SORD: variants seen among roughly 807,000 people sequenced by gnomAD.
SORD encodes the protein sorbitol dehydrogenase.
A neutral mutation model predicts 35.6 loss-of-function variants in SORD; 18 were observed. The ratio of observed to expected loss-of-function variants is 0.51; its 90% CI spans 0.35 to 0.75. The LOEUF (loss-of-function observed/expected upper bound fraction) is 0.75, where lower values mean the gene tolerates loss of function less well. SORD is among the 30% of genes least tolerant of loss of function. The probability of loss-of-function intolerance (pLI) is 0.01; values close to 1 mark genes in which losing one functional copy is unlikely to be tolerated. For synonymous variants in SORD, 106 were observed against 152.9 expected (o/e 0.69, Z 2.26); for missense variants, 250 against 390.2 (o/e 0.64, Z 3.03).
intron 1 of SORD, among the ~76,000 whole-genome samples, chr15:45,031,626 A>T (rs72722076): frequency 0.21 from 30,948 of 150,280 alleles, 5 homozygotes; most frequent in African/African-American, 0.44. Flanking sequence ...ATTTTATTTT[A>T]TAAAATTAAT....
intron 7 of SORD, chr15:45,070,708 C>T (rs545089363): frequency 1.3e-5 from 2 of 152,356 alleles, no homozygotes; most frequent in African/African-American, 4.8e-5. Flanking sequence ...ACTTTGAGGG[C>T]TAAGACATGA....
At chr15:45,065,972 G>A (rs1449756352) in intron 5 of SORD, among the ~76,000 whole-genome samples, 3 of 151,926 alleles carry the variant, frequency 2.0e-5, no homozygotes, top group South Asian at 2.1e-4. Context: ...ATGAATCTGG[G>A]CCAGGCGGGG....
intron 4 of SORD, among the ~76,000 whole-genome samples, chr15:45,061,618 A>C (rs1051841775): frequency 6.6e-6 from 1 of 151,970 alleles, no homozygotes. Flanking sequence ...CTGTAATCCC[A>C]GCACTTTAGG....
In SORD at chr15:45,025,605, A is replaced by G. The variant is rs559227436; in HGVS notation, c.66+2256A>G. On this transcript the variant is annotated intron_variant, in intron 1 of 8. Coordinates refer to ENST00000267814, the MANE Select transcript of SORD (RefSeq NM_003104.6). ...GATCGTACCACTGCACTCCAGCCTG[A>G]ATGACAGCAAAACTATGTCAAAAAA... Among the ~76,000 whole-genome samples the G allele has an allele frequency of 7.0e-3, 1,057 of 150,398 alleles. 3 individuals are homozygous for G. The highest frequency in any genetic ancestry group is 9.5e-3 in the Non-Finnish European group (643 of 67,706).
intron 3 of SORD, among the ~76,000 whole-genome samples, chr15:45,048,447 A>C (rs1165182201): frequency 7.9e-5 from 12 of 152,172 alleles, no homozygotes; most frequent in Non-Finnish European, 1.5e-4. Context: ...GGTGGCTTAC[A>C]CCTGTAATCG....
intron 3 of SORD, among the ~76,000 whole-genome samples, chr15:45,060,777 G>C (rs1327806883): frequency 3.9e-5 from 6 of 152,110 alleles, no homozygotes; most frequent in South Asian, 4.1e-4. Flanking sequence ...GCTGGAAAAA[G>C]GGCAGGCCAC....
intron 3 of SORD, among the ~76,000 whole-genome samples, chr15:45,048,457 G>A (rs947268853): frequency 6.6e-6 from 1 of 152,108 alleles, no homozygotes; most frequent in African/African-American, 2.4e-5. Flanking sequence ...ACCTGTAATC[G>A]CAGCACTTTG....
At chr15:45,057,698 G>A (rs533603969) in intron 3 of SORD, among the ~76,000 whole-genome samples, 34 of 152,224 alleles carry the variant, frequency 2.2e-4, no homozygotes, top group Admixed American at 2.2e-3. Context: ...CAGGAGAATG[G>A]CATGAACCTG....
At chr15:45,068,442 TGAGA>T (rs145998153) in intron 6 of SORD, among the ~76,000 whole-genome samples, 196 bp downstream of exon 6, 6 of 149,600 alleles carry the variant, frequency 4.0e-5, no homozygotes, top group East Asian at 1.9e-4. Flanking sequence ...AGAGTTTGTG[TGAGA>T]GAGTGTGTGT....
chr15:45,025,044 A>C (rs1030798001), intron 1 of SORD, among the ~76,000 whole-genome samples: 2 of 152,244 alleles, frequency 1.3e-5, no homozygotes, highest in African/African-American at 4.8e-5. Context: ...TCCGTAGACA[A>C]AGCTTTGAAG....
intron 3 of SORD, among the ~76,000 whole-genome samples, chr15:45,055,314 A>G (rs1194405964): frequency 6.6e-6 from 1 of 152,228 alleles, no homozygotes; most frequent in Non-Finnish European, 1.5e-5. Flanking sequence ...GGATATCACC[A>G]CCGATCCCAC....
intron 1 of SORD, among the ~76,000 whole-genome samples, chr15:45,025,623 T>TC (rs1892656181): frequency 6.0e-5 from 6 of 100,650 alleles, no homozygotes; most frequent in Admixed American, 5.5e-4. Context: ...CAAAACTATG[T>TC]CAAAAAAAAA....
chr15:45,025,284 G>A (rs548658472), intron 1 of SORD, among the ~76,000 whole-genome samples: 8 of 152,290 alleles, frequency 5.3e-5, no homozygotes, highest in East Asian at 3.9e-4. Flanking sequence ...AAGTGGTAGC[G>A]TCATTTACTA....
chr15:45,047,511 T>C (rs1350276228), intron 3 of SORD, among the ~76,000 whole-genome samples: 1 of 152,120 alleles, frequency 6.6e-6, no homozygotes, highest in African/African-American at 2.4e-5. Context: ...ACCATCTTGT[T>C]GGTTTATGGT....
chr15:45,029,882 T>C (rs1484455543), intron 1 of SORD, among the ~76,000 whole-genome samples: 1 of 152,254 alleles, frequency 6.6e-6, no homozygotes, highest in Non-Finnish European at 1.5e-5. Flanking sequence ...CATTTCCCCC[T>C]CTACCAACTG....
chr15:45,034,402 C>T (rs1595496099), intron 1 of SORD, among the ~76,000 whole-genome samples: 1 of 151,940 alleles, frequency 6.6e-6, no homozygotes, highest in African/African-American at 2.4e-5. Flanking sequence ...CCAAGCAAGA[C>T]GTGTTGAGGG....
At chr15:45,071,925 C>T (rs1893519941) in intron 7 of SORD, among the ~76,000 whole-genome samples, 1 of 46,358 alleles carries the variant, frequency 2.2e-5, no homozygotes, top group African/African-American at 6.8e-5. Context: ...CTTAGAGGGC[C>T]AGTGGTTCCT....
At chr15:45,030,894 G>A (rs1892770368) in intron 1 of SORD, among the ~76,000 whole-genome samples, 1 of 152,242 alleles carries the variant, frequency 6.6e-6, no homozygotes, top group Non-Finnish European at 1.5e-5. Flanking sequence ...TTGAACAGCT[G>A]TCATGTCAGG....
intron 3 of SORD, among the ~76,000 whole-genome samples, chr15:45,059,000 G>A (rs1472124076): frequency 1.3e-5 from 2 of 152,100 alleles, no homozygotes; most frequent in Admixed American, 1.3e-4. Flanking sequence ...TGCCCAAAAA[G>A]GGGAGGAAAC....
Sources: allele counts gnomAD v4.1 joint callset (sites outside exome capture counted in the v4.1 genomes callset), GRCh38; gene constraint gnomAD v4.1.1; transcripts MANE v1.5; gene names NCBI Gene and HGNC (gene_info 2026-07-23, HGNC 2026-07-21).